Variants in RNF180 observed in about 807,000 individuals in gnomAD.
The protein encoded by RNF180 is E3 ubiquitin-protein ligase RNF180.
Under a neutral mutation model 59.2 loss-of-function variants are expected in RNF180, and 38 were observed. The observed-to-expected ratio is 0.64, with a 90% confidence interval of 0.50 to 0.84. The LOEUF (loss-of-function observed/expected upper bound fraction) is 0.84. Among genes scored for constraint, RNF180 ranks in the 40% least tolerant of loss-of-function variants. The pLI is 0.00. For synonymous variants in RNF180, 262 were observed against 240.3 expected, an observed-to-expected ratio of 1.09 and a Z score of -0.84; for missense variants, 705 against 700.9, an observed-to-expected ratio of 1.01 and a Z score of -0.07.
intron 5 of RNF180, among the ~76,000 whole-genome samples, chr5:64,309,129 T>G (rs1346958041): frequency 1.3e-5 from 2 of 151,712 alleles, no homozygotes; most frequent in Admixed American, 1.3e-4. Context: ...AAAATGTCAT[T>G]TAACAGTCAT....
chr5:64,303,898 C>T (rs1009431983), intron 5 of RNF180, among the ~76,000 whole-genome samples: 3 of 151,548 alleles, frequency 2.0e-5, no homozygotes, highest in Admixed American at 2.0e-4. Context: ...AGAGAGAAGT[C>T]AATGCCTGAC....
intron 7 of RNF180, among the ~76,000 whole-genome samples, chr5:64,359,238 T>G (rs201955503): frequency 0.047 from 7,079 of 149,684 alleles, 501 homozygotes; most frequent in African/African-American, 0.16. Context: ...TGAACTAGTT[T>G]ACAGTCCCAC....
Position 64,213,709 on chromosome 5 carries a change from G to A in RNF180, c.383G>A (p.Gly128Asp), listed in dbSNP as rs1458152722. The stretch of plus-strand genomic sequence containing the variant: ...ACTGATTATCAGCCAACACAGGCAG[G>A]CAGACTAATGAGACCATCAGTGAAA... ...SRTDYQPTQAGRLMRPSVKYL... is the reference protein window; with the variant it reads ...SRTDYQPTQADRLMRPSVKYL... The change falls in exon 4 of 8, where the codon GGC becomes GAC. Residue 128 changes from glycine to aspartate, a missense_variant. Coordinates refer to ENST00000389100, the MANE Select transcript of RNF180 (RefSeq NM_001113561.2). 6.2e-7 allele frequency: 1 copy of A among 1,614,108 alleles called. No individual in the cohort carries two copies. Among genetic ancestry groups the A allele is most frequent in the Admixed American group, 1.7e-5 (1 of 60,012 alleles).
intron 5 of RNF180, among the ~76,000 whole-genome samples, chr5:64,304,138 A>G (rs1392563806): frequency 6.8e-6 from 1 of 147,328 alleles, no homozygotes; most frequent in Non-Finnish European, 1.5e-5. Context: ...CTTCCCAGAA[A>G]AAAAAAGGCT....
chr5:64,193,391 G>C (rs1275052264), intron 1 of RNF180, among the ~76,000 whole-genome samples: 1 of 152,008 alleles, frequency 6.6e-6, no homozygotes, highest in East Asian at 1.9e-4. Flanking sequence ...ATATACATAT[G>C]TCCAAACTCA....
At chr5:64,303,494 CAAAT>C (rs1047850650) in intron 5 of RNF180, among the ~76,000 whole-genome samples, 35 of 151,506 alleles carry the variant, frequency 2.3e-4, no homozygotes, top group African/African-American at 8.0e-4. Context: ...AGTGAATACA[CAAAT>C]AATAAGGAAA....
chr5:64,273,984 ATTTAG>A (rs920858004), intron 5 of RNF180, among the ~76,000 whole-genome samples: 2 of 152,040 alleles, frequency 1.3e-5, no homozygotes, highest in African/African-American at 4.8e-5. Context: ...AAAGAGTTCA[ATTTAG>A]TTTAGTTATT....
chr5:64,239,190 T>A (rs1320692054), intron 5 of RNF180, among the ~76,000 whole-genome samples: 3 of 152,176 alleles, frequency 2.0e-5, no homozygotes, highest in Admixed American at 1.3e-4. Flanking sequence ...AATAGTATAC[T>A]TCAGGGCTTG....
At chr5:64,253,246 GA>G (rs1207492455) in intron 5 of RNF180, among the ~76,000 whole-genome samples, 3 of 152,074 alleles carry the variant, frequency 2.0e-5, no homozygotes, top group Non-Finnish European at 4.4e-5. Flanking sequence ...TTCATTCTAT[GA>G]GTTTTTCTTA....
intron 7 of RNF180, among the ~76,000 whole-genome samples, chr5:64,349,576 TC>T (rs1360437091): frequency 6.6e-6 from 1 of 151,848 alleles, no homozygotes; most frequent in Admixed American, 6.6e-5. Context: ...ATGCTATCTC[TC>T]CCCCCTTGCC....
intron 1 of RNF180, among the ~76,000 whole-genome samples, chr5:64,179,015 T>C (rs1750421134): frequency 6.6e-6 from 1 of 152,288 alleles, no homozygotes; most frequent in East Asian, 1.9e-4. Context: ...GGTTATCATT[T>C]TGACCCAGGT....
intron 1 of RNF180, among the ~76,000 whole-genome samples, chr5:64,166,897 G>C (rs1188530006): frequency 6.6e-6 from 1 of 152,182 alleles, no homozygotes; most frequent in Non-Finnish European, 1.5e-5. Flanking sequence ...TGGACGGTCT[G>C]ATGCTCATTG....
intron 6 of RNF180, among the ~76,000 whole-genome samples, chr5:64,329,848 G>A (rs759530713): frequency 6.6e-6 from 1 of 152,156 alleles, no homozygotes; most frequent in Non-Finnish European, 1.5e-5. Context: ...TCTGACAGGC[G>A]GCAGAGCTCA....
At chr5:64,328,668 A>T (rs1016029283) in intron 6 of RNF180, among the ~76,000 whole-genome samples, 4 of 152,150 alleles carry the variant, frequency 2.6e-5, no homozygotes, top group Admixed American at 6.5e-5. Flanking sequence ...AGAGTAGTGT[A>T]TTTTTTACAT....
chr5:64,304,859 T>C (rs1251259219), intron 5 of RNF180, among the ~76,000 whole-genome samples: 1 of 151,632 alleles, frequency 6.6e-6, no homozygotes, highest in Non-Finnish European at 1.5e-5. Flanking sequence ...CAGATAAATT[T>C]TTGTGAAAAG....
chr5:64,196,939 TA>T (rs920723763), intron 1 of RNF180, among the ~76,000 whole-genome samples: 2 of 152,174 alleles, frequency 1.3e-5, no homozygotes, highest in African/African-American at 4.8e-5. Context: ...GTTTCAATTT[TA>T]AAAATCGTTT....
At chr5:64,304,241 C>A (rs189860384) in intron 5 of RNF180, among the ~76,000 whole-genome samples, 75 of 151,714 alleles carry the variant, frequency 4.9e-4, no homozygotes, top group Non-Finnish European at 9.3e-4. Flanking sequence ...TGTATGCCTG[C>A]TAATAAAACA....
At chr5:64,300,209 T>C (rs530807542) in intron 5 of RNF180, among the ~76,000 whole-genome samples, 1 of 151,910 alleles carries the variant, frequency 6.6e-6, no homozygotes, top group Admixed American at 6.6e-5. Context: ...ATTGTATTGC[T>C]AAGACCTAAG....
chr5:64,345,604 C>CA (rs1408413968), intron 7 of RNF180, among the ~76,000 whole-genome samples: 1 of 152,184 alleles, frequency 6.6e-6, no homozygotes, highest in Non-Finnish European at 1.5e-5. Flanking sequence ...CCACAATGTT[C>CA]AGATCTAAAT....
Sources: gnomAD v4.1 joint callset for allele counts (sites outside exome capture counted in the v4.1 genomes callset) on GRCh38, gnomAD v4.1.1 for gene constraint, MANE v1.5 for transcripts, NCBI Gene and HGNC (gene_info 2026-07-23, HGNC 2026-07-21) for gene names.